MDGA2: variants seen among roughly 807,000 people sequenced by gnomAD.
MDGA2 encodes MAM domain-containing glycosylphosphatidylinositol anchor protein 2.
MDGA2 carries 40 observed loss-of-function variants against 117.8 expected under a neutral mutation model. The ratio of observed to expected loss-of-function variants is 0.34; its 90% CI spans 0.26 to 0.44. MDGA2 has a LOEUF of 0.44. Among genes scored for constraint, MDGA2 ranks in the 20% least tolerant of loss-of-function variants. MDGA2 has a pLI of 1.00. For synonymous variants in MDGA2, 452 were observed against 439.0 expected, an observed-to-expected ratio of 1.03 and a Z score of -0.37; for missense variants, 1,123 against 1,250.6, an observed-to-expected ratio of 0.90 and a Z score of 1.54.
intron 1 of MDGA2, among the ~76,000 whole-genome samples, chr14:47,535,148 A>G (rs77635926): frequency 6.7e-6 from 1 of 148,366 alleles, no homozygotes; most frequent in Admixed American, 6.7e-5. Context: ...TAACAAAATG[A>G]AAAAAAAAAA....
chr14:47,503,311 A>T (rs1594889917), intron 1 of MDGA2, among the ~76,000 whole-genome samples: 1 of 66,720 alleles, frequency 1.5e-5, no homozygotes, highest in African/African-American at 4.0e-5. Flanking sequence ...TAGGTATCAT[A>T]AAAAAAAAAA....
At chr14:47,367,992 A>C (rs1479782432) in intron 1 of MDGA2, among the ~76,000 whole-genome samples, 1 of 152,186 alleles carries the variant, frequency 6.6e-6, no homozygotes, top group African/African-American at 2.4e-5. Context: ...CTAAAAAGAA[A>C]GATATGGCCG....
intron 1 of MDGA2, among the ~76,000 whole-genome samples, chr14:47,470,114 ATT>A (rs202160795): frequency 5.3e-5 from 5 of 95,222 alleles, no homozygotes; most frequent in African/African-American, 9.9e-5. Flanking sequence ...TTATTTATTT[ATT>A]TTTATTTTTT....
intron 3 of MDGA2, among the ~76,000 whole-genome samples, chr14:47,213,567 T>C (rs940566930): frequency 6.6e-6 from 1 of 152,136 alleles, no homozygotes; most frequent in Non-Finnish European, 1.5e-5. Context: ...ATCTGCTAGA[T>C]AAATACTCTA....
chr14:46,908,389 C>T (rs1261473403), intron 10 of MDGA2, among the ~76,000 whole-genome samples: 1 of 152,004 alleles, frequency 6.6e-6, no homozygotes, highest in Non-Finnish European at 1.5e-5. Context: ...ATTATTCTAT[C>T]CTATTTTAAA....
At chr14:47,492,789 G>A (rs1257333506) in intron 1 of MDGA2, among the ~76,000 whole-genome samples, 2 of 152,008 alleles carry the variant, frequency 1.3e-5, no homozygotes, top group African/African-American at 4.8e-5. Context: ...CCCCACCCAT[G>A]ACCTTGCTAA....
intron 3 of MDGA2, among the ~76,000 whole-genome samples, chr14:47,159,150 T>C (rs1266025963): frequency 6.6e-6 from 1 of 152,130 alleles, no homozygotes; most frequent in Non-Finnish European, 1.5e-5. Flanking sequence ...ACCTATAGAA[T>C]TTACAACATT....
chr14:47,151,228 C>T (rs1024826690), intron 3 of MDGA2, among the ~76,000 whole-genome samples: 5 of 152,186 alleles, frequency 3.3e-5, no homozygotes, highest in African/African-American at 1.2e-4. Context: ...TCAGATGGAG[C>T]TGTTCAGTTG....
intron 4 of MDGA2, among the ~76,000 whole-genome samples, chr14:47,132,472 G>C (rs1393666581): frequency 6.6e-6 from 1 of 151,896 alleles, no homozygotes; most frequent in Non-Finnish European, 1.5e-5. Context: ...AAGAGTTTAA[G>C]GGGTAACTCT....
intron 1 of MDGA2, among the ~76,000 whole-genome samples, chr14:47,515,249 C>T (rs17118832): frequency 0.014 from 2,111 of 152,232 alleles, 38 homozygotes; most frequent in African/African-American, 0.047. Context: ...GATGCCACAG[C>T]AATGAATATT....
intron 5 of MDGA2, among the ~76,000 whole-genome samples, chr14:47,099,280 A>G (rs1293519251): frequency 3.3e-5 from 5 of 151,974 alleles, no homozygotes; most frequent in African/African-American, 1.2e-4. Context: ...TATTTCATAA[A>G]TATCAGCTTT....
chr14:47,194,536 T>C (rs1284839664), intron 3 of MDGA2, among the ~76,000 whole-genome samples: 1 of 152,114 alleles, frequency 6.6e-6, no homozygotes, highest in Non-Finnish European at 1.5e-5. Context: ...CTCATTCCAC[T>C]AGGTTAACTG....
At chr14:47,129,396 C>T (rs1181198441) in intron 5 of MDGA2, among the ~76,000 whole-genome samples, 1 of 152,134 alleles carries the variant, frequency 6.6e-6, no homozygotes, top group African/African-American at 2.4e-5. Context: ...CCAATTTCAT[C>T]CATGTCCCCA....
intron 11 of MDGA2, among the ~76,000 whole-genome samples, chr14:46,879,269 G>C (rs1292069325): frequency 6.6e-6 from 1 of 150,892 alleles, no homozygotes; most frequent in African/African-American, 2.5e-5. Context: ...CTATAAATTA[G>C]GAAGAGAGCT....
At chr14:47,569,913 A>C (rs1895987714) in intron 1 of MDGA2, among the ~76,000 whole-genome samples, 1 of 152,218 alleles carries the variant, frequency 6.6e-6, no homozygotes, top group African/African-American at 2.4e-5. Flanking sequence ...TCTGCTTTTA[A>C]AGATCTATGG....
intron 1 of MDGA2, among the ~76,000 whole-genome samples, chr14:47,391,257 T>C (rs368022166): frequency 6.6e-6 from 1 of 152,228 alleles, no homozygotes; most frequent in East Asian, 1.9e-4. Flanking sequence ...TGACTGCCTG[T>C]ACTGTAGATT....
At chr14:47,513,311 T>C (rs1894681625) in intron 1 of MDGA2, among the ~76,000 whole-genome samples, 1 of 152,148 alleles carries the variant, frequency 6.6e-6, no homozygotes, top group Non-Finnish European at 1.5e-5. Flanking sequence ...AAAGCAGTAA[T>C]AGTTTATGTA....
chr14:47,666,833 C>A (rs1897981720), intron 1 of MDGA2, among the ~76,000 whole-genome samples: 1 of 152,150 alleles, frequency 6.6e-6, no homozygotes, highest in African/African-American at 2.4e-5. Context: ...GTCTACACAG[C>A]TTCACTCCTG....
At position 47,345,024 on chromosome 14, in the gene MDGA2, G is replaced by A. The variant is rs140648693; in HGVS notation, c.281-43474C>T. 4.6e-5 allele frequency among the ~76,000 whole-genome samples: 7 copies of A among 152,126 alleles called. No individual in the cohort carries two copies. In the East Asian group the frequency reaches 1.2e-3, roughly 25 times the overall value. On this transcript the variant is annotated intron_variant, in intron 1 of 16. Coordinates refer to ENST00000399232, the MANE Select transcript of MDGA2 (RefSeq NM_001113498.3). The stretch of plus-strand genomic sequence containing the variant: ...TTTGATGTTAATATTTCAACCAAAT[G>A]TTTTGTGAATGAAAATGAAAAATAA...
Sources: allele counts gnomAD v4.1 joint callset (sites outside exome capture counted in the v4.1 genomes callset), GRCh38; gene constraint gnomAD v4.1.1; transcripts MANE v1.5; gene names NCBI Gene and HGNC (gene_info 2026-07-23, HGNC 2026-07-21).